The following CLMN variants were observed in gnomAD, a reference collection of about 807,000 sequenced individuals.
CLMN encodes the protein calmin, also known as calmin (calponin-like, transmembrane).
A neutral mutation model predicts 92.7 loss-of-function variants in CLMN; 57 were observed. The ratio of observed to expected loss-of-function variants is 0.61; its 90% CI spans 0.50 to 0.77. CLMN has a LOEUF of 0.77. CLMN is among the 30% of genes least tolerant of loss of function. The pLI, the probability that CLMN is intolerant of heterozygous loss-of-function variation, is 0.00. For synonymous variants in CLMN, 466 were observed against 470.6 expected, an observed-to-expected ratio of 0.99 and a Z score of 0.13; for missense variants, 1,158 against 1,237.5, an observed-to-expected ratio of 0.94 and a Z score of 0.96.
At position 95,182,896 on chromosome 14, in the gene CLMN, C is replaced by T. The variant is rs1266333717; in HGVS notation, c.*8668G>A. The T allele has an allele frequency of 6.6e-6, 1 of 152,204 alleles. No individual in the cohort carries two copies. Among genetic ancestry groups the T allele is most frequent in the Non-Finnish European group, 1.5e-5 (1 of 68,042 alleles). The allele number at this position is 152,204 out of a possible 1,614,324, so 9.4% of individuals were successfully genotyped here. ...CCCAGGTTCTACTTCAAACATTCAT[C>T]TGAAACCTTTAAGATTCAGACTACC... On this transcript the variant is annotated 3_prime_UTR_variant, in exon 13 of 13. Transcript: ENST00000298912.
chr14:95,203,844 T>C lies in CLMN; in HGVS notation c.1505A>G (p.Asn502Ser). 1 of 1,614,140 alleles carries C rather than the reference T, an allele frequency of 6.2e-7. No individual in the cohort carries two copies. Among genetic ancestry groups the C allele is most frequent in the Non-Finnish European group, 8.5e-7 (1 of 1,180,018 alleles). ...DIFLVEGTNN[N>S]SQSSSCNGAL... ...ACCATTACAGGAAGAAGACTGAGAA[T>C]TATTGTTTGTGCCCTCCACCAAAAA... The change falls in exon 9 of 13, where the codon AAT (asparagine) becomes AGT (serine). Residue 502 changes from asparagine to serine, a missense_variant. Coordinates refer to ENST00000298912, the MANE Select transcript of CLMN (RefSeq NM_024734.4).
chr14:95,317,772 T>C (rs1010227252), intron 1 of CLMN, among the ~76,000 whole-genome samples: 2 of 152,194 alleles, frequency 1.3e-5, no homozygotes, highest in African/African-American at 4.8e-5. Flanking sequence ...GAAATCTACA[T>C]CTTGATCTGG....
intron 3 of CLMN, among the ~76,000 whole-genome samples, chr14:95,223,198 T>C (rs890701936): frequency 5.9e-5 from 9 of 152,214 alleles, no homozygotes; most frequent in African/African-American, 2.2e-4. Context: ...CAAGAAACTA[T>C]GTGACCCAAA....
At chr14:95,303,817 G>A (rs1017421784) in intron 1 of CLMN, among the ~76,000 whole-genome samples, 4 of 152,234 alleles carry the variant, frequency 2.6e-5, no homozygotes, top group Admixed American at 6.5e-5. Context: ...TGGAAAGGAA[G>A]GGAGAGATTT....
chr14:95,196,098 T>C (rs1896704025), intron 10 of CLMN, among the ~76,000 whole-genome samples: 1 of 152,252 alleles, frequency 6.6e-6, no homozygotes. Context: ...GTGGATATGC[T>C]TGAAGTCATT....
intron 4 of CLMN, among the ~76,000 whole-genome samples, chr14:95,219,931 C>T (rs1455204709): frequency 6.6e-6 from 1 of 152,014 alleles, no homozygotes; most frequent in African/African-American, 2.4e-5. Context: ...TAAAAGAAAC[C>T]CTGTACCCTC....
chr14:95,309,604 T>C (rs1237210405), intron 1 of CLMN, among the ~76,000 whole-genome samples: 1 of 152,220 alleles, frequency 6.6e-6, no homozygotes, highest in Non-Finnish European at 1.5e-5. Context: ...TCCCTTCCTC[T>C]TAAAGCCCAC....
At chr14:95,200,575 C>G (rs530622290) in intron 9 of CLMN, among the ~76,000 whole-genome samples, 1 of 152,254 alleles carries the variant, frequency 6.6e-6, no homozygotes, top group East Asian at 1.9e-4. Flanking sequence ...CGTAGCAGGA[C>G]GCAGCACTTA....
At chr14:95,275,009 C>T (rs1189394998) in intron 1 of CLMN, among the ~76,000 whole-genome samples, 1 of 151,226 alleles carries the variant, frequency 6.6e-6, no homozygotes, top group Non-Finnish European at 1.5e-5. Context: ...TCACTCATTC[C>T]TTCAACAAAT....
chr14:95,203,282 G>C lies in CLMN; in HGVS notation c.2067C>G (p.Ser689Arg). The stretch of plus-strand genomic sequence containing the variant: ...CCAAGCTGACACAGCTGCTTGGGGG[G>C]CTGGAAGATAATTCCTCGCCCACAC... ...LQGVGEELSS[S>R]PPSSCVSLET... Residue 689 changes from serine to arginine, a missense_variant, in exon 9 of 13, where the codon AGC (serine) becomes AGG (arginine). Ser to Arg is a moderately radical substitution (Grantham distance 110). Coordinates refer to ENST00000298912, the MANE Select transcript of CLMN (RefSeq NM_024734.4). 6.2e-7 allele frequency: 1 copy of C among 1,613,984 alleles called. No individual in the cohort carries two copies. The highest frequency in any genetic ancestry group is 8.5e-7 in the Non-Finnish European group (1 of 1,180,012).
intron 1 of CLMN, among the ~76,000 whole-genome samples, chr14:95,316,733 A>G (rs1328067963): frequency 3.3e-5 from 5 of 152,196 alleles, no homozygotes; most frequent in Non-Finnish European, 7.3e-5. Context: ...TTATTAAACT[A>G]TTCTTCCCTG....
chr14:95,319,798 G>C lies in CLMN; in HGVS notation c.-6C>G, dbSNP rs755621123. 1 of 1,521,828 alleles carries C rather than the reference G, an allele frequency of 6.6e-7. No individual in the cohort carries two copies. The highest frequency in any genetic ancestry group is 8.8e-7 in the Non-Finnish European group (1 of 1,137,826). 94.3% of individuals were successfully genotyped at this position (1,521,828 alleles called of 1,614,324 possible). The stretch of plus-strand genomic sequence containing the variant: ...TCCCACTCGTGTGCAGCCATGAAGC[G>C]CGGGCGGGAGAGCCCGGGCCAGCGC... On this transcript the variant is annotated 5_prime_UTR_variant, in exon 1 of 13. Coordinates refer to ENST00000298912, the MANE Select transcript of CLMN (RefSeq NM_024734.4).
chr14:95,198,405 C>T lies in CLMN; in HGVS notation c.2512-1711G>A, dbSNP rs191171684. ...TCAGAGAAATGCCTCATCCCATCTC[C>T]TTGTCTGCCAGGACCCAAGACTCCC... On this transcript the variant is annotated intron_variant, in intron 9 of 12. Coordinates refer to ENST00000298912, the MANE Select transcript of CLMN (RefSeq NM_024734.4). 2.3e-4 allele frequency among the ~76,000 whole-genome samples: 35 copies of T among 151,840 alleles called. No homozygotes were observed. In the East Asian group the frequency reaches 5.1e-3, roughly 22 times the overall value.
At chr14:95,239,701 A>C (rs1898179124) in intron 1 of CLMN, among the ~76,000 whole-genome samples, 1 of 152,208 alleles carries the variant, frequency 6.6e-6, no homozygotes, top group African/African-American at 2.4e-5. Context: ...TGATCAGTAA[A>C]TGAGAGGCTC....
In CLMN at chr14:95,191,615, G is replaced by T. The variant is rs766162104; in HGVS notation, c.2958C>A (p.Leu986=). ...DMMYFILFLW[L]LVYCLLLFPQ... Reference sequence around the variant, plus strand: ...GGAAGAGCAGCAAGCAGTACACCAGGAGCCACAGGAAGAGAATAAAATACA... The same window carrying T: ...GGAAGAGCAGCAAGCAGTACACCAGTAGCCACAGGAAGAGAATAAAATACA... The change falls in exon 13 of 13, where the codon CTC becomes CTA. Residue 986 remains leucine (L), a synonymous_variant. Transcript: ENST00000298912. This position sits in a 1 kb window ranked among gnomAD's most constrained non-coding sequence, Gnocchi z 5.3. The T allele has an allele frequency of 1.2e-6, 2 of 1,613,598 alleles. No individual in the cohort carries two copies. The highest frequency in any genetic ancestry group is 1.7e-6 in the Non-Finnish European group (2 of 1,179,950).
chr14:95,232,384 C>G (rs1897917671), intron 1 of CLMN, among the ~76,000 whole-genome samples: 1 of 152,254 alleles, frequency 6.6e-6, no homozygotes, highest in African/African-American at 2.4e-5. Context: ...CAATTGATCT[C>G]CTGCAGGAGA....
intron 8 of CLMN, among the ~76,000 whole-genome samples, chr14:95,206,375 A>G (rs758592359): frequency 3.9e-5 from 6 of 152,226 alleles, no homozygotes; most frequent in Admixed American, 3.9e-4. Flanking sequence ...AGGAAAAATC[A>G]GTATAAATAT....
chr14:95,313,185 G>A (rs903588581), intron 1 of CLMN, among the ~76,000 whole-genome samples: 1 of 152,190 alleles, frequency 6.6e-6, no homozygotes, highest in Admixed American at 6.5e-5. Context: ...CAGCCTTGGT[G>A]ACAAGAATGA....
chr14:95,242,570 T>TTTTC (rs1898292413), intron 1 of CLMN, among the ~76,000 whole-genome samples: 1 of 124,666 alleles, frequency 8.0e-6, no homozygotes, highest in African/African-American at 3.2e-5. Flanking sequence ...TGGCATCTCT[T>TTTTC]TTTCTTTTTT....
Sources: allele counts gnomAD v4.1 joint callset (sites outside exome capture counted in the v4.1 genomes callset), GRCh38; gene constraint gnomAD v4.1.1; non-coding constraint Gnocchi (gnomAD v3.1); transcripts MANE v1.5; gene names NCBI Gene and HGNC (gene_info 2026-07-23, HGNC 2026-07-21).